NCAPD3: variants seen among roughly 807,000 people sequenced by gnomAD.
NCAPD3 encodes non-SMC condensin II complex subunit D3.
A neutral mutation model predicts 182.9 loss-of-function variants in NCAPD3; 105 were observed. The ratio of observed to expected loss-of-function variants is 0.57; its 90% CI spans 0.49 to 0.68. The LOEUF (loss-of-function observed/expected upper bound fraction) is 0.68. Ranked by LOEUF, NCAPD3 falls within the 30% of genes least tolerant of loss-of-function variation. NCAPD3 has a pLI of 0.00. For synonymous variants in NCAPD3, 815 were observed against 679.9 expected, an observed-to-expected ratio of 1.20 and a Z score of -3.09; for missense variants, 1,944 against 1,837.0, an observed-to-expected ratio of 1.06 and a Z score of -1.07.
At chr11:134,179,131 C>T (rs1944236047) in intron 20 of NCAPD3, among the ~76,000 whole-genome samples, 195 bp from the exon 21 acceptor site, 1 of 152,040 alleles carries the variant, frequency 6.6e-6, no homozygotes, top group Non-Finnish European at 1.5e-5. Context: ...AAAATTAGGG[C>T]AAGCATATAA....
chr11:134,210,310 T>C lies in NCAPD3; in HGVS notation c.527A>G (p.His176Arg), dbSNP rs1308043184. The change falls in exon 4 of 35, where the codon CAT becomes CGT. Residue 176 changes from histidine to arginine, a missense_variant. Transcript: ENST00000534548. Reference sequence around the variant, plus strand: ...CCTGGGTGGCTTTCCCCTTTTTCTATGCCTCCCGGGGTTAGCCTGAGAGCT... The same window carrying C: ...CCTGGGTGGCTTTCCCCTTTTTCTACGCCTCCCGGGGTTAGCCTGAGAGCT... ...PKSSQANPGRHRKRGKPPRRE... is the reference protein window; with the variant it reads ...PKSSQANPGRRRKRGKPPRRE... The C allele has an allele frequency of 2.5e-6, 4 of 1,614,016 alleles. No individual in the cohort carries two copies. The highest frequency in any genetic ancestry group is 1.6e-4 in the Middle Eastern group (1 of 6,062).
intron 32 of NCAPD3, among the ~76,000 whole-genome samples, chr11:134,156,480 A>C (rs1036618636): frequency 6.6e-6 from 1 of 152,218 alleles, no homozygotes; most frequent in Non-Finnish European, 1.5e-5. Context: ...TAGGAAAAGA[A>C]TACTCAACTC....
Position 134,158,065 on chromosome 11 carries a change from G to C in NCAPD3, c.4037C>G (p.Pro1346Arg), listed in dbSNP as rs750273467. ...GATTGCAATGGTGCTCAGGGACATG[G>C]GCCTGTGGAGAACAGCCACAGCCGC... Reference protein sequence around the residue: ...PLQRLLPKARPMSLSTIAILN... With the variant: ...PLQRLLPKARRMSLSTIAILN... Residue 1346 changes from proline (P) to arginine (R), a missense_variant and splice_region_variant, in exon 31 of 35, where the codon CCC becomes CGC. Physicochemically the swap from Pro to Arg is moderately radical, Grantham distance 103 (BLOSUM62 -2). Around this residue, in one of 3 missense-constraint regions of NCAPD3, gnomAD observed 1,803 missense variants for 1,674.6 expected, o/e 1.08. Coordinates refer to ENST00000534548, the MANE Select transcript of NCAPD3 (RefSeq NM_015261.3). 6.2e-7 allele frequency: 1 copy of C among 1,613,338 alleles called. No individual in the cohort carries two copies. Among genetic ancestry groups the C allele is most frequent in the South Asian group, 1.1e-5 (1 of 91,008 alleles).
intron 29 of NCAPD3, among the ~76,000 whole-genome samples, chr11:134,159,029 C>T (rs1943507396): frequency 6.6e-6 from 1 of 152,236 alleles, no homozygotes. Context: ...GAAAAGTACT[C>T]CACTGTATAT....
intron 32 of NCAPD3, among the ~76,000 whole-genome samples, chr11:134,155,842 T>C (rs1212334616): frequency 6.7e-6 from 1 of 149,408 alleles, no homozygotes; most frequent in Non-Finnish European, 1.5e-5. Flanking sequence ...AATGCCGTCA[T>C]GATTCGGTTG....
chr11:134,165,371 G>A (rs988953795), intron 27 of NCAPD3, among the ~76,000 whole-genome samples: 3 of 150,446 alleles, frequency 2.0e-5, no homozygotes, highest in Non-Finnish European at 3.0e-5. Context: ...GGGCGCACTC[G>A]TGAGATAAGC....
Position 134,203,028 on chromosome 11 carries a change from GA to G in NCAPD3, c.1525+113del, listed in dbSNP as rs1285151914. On this transcript the variant is annotated intron_variant, in intron 12 of 34. Transcript: ENST00000534548. ...TGAAATGAATTTCAACCTCTCTCAT[GA>G]AAAAAGTACAATGTTAAAGCAGGTA... The G allele has an allele frequency of 7.7e-5, 90 of 1,171,370 alleles. No individual in the cohort carries two copies. In the Middle Eastern group the frequency reaches 8.6e-4, roughly 11 times the overall value. The allele number at this position is 1,171,370 out of a possible 1,614,324, so 72.6% of individuals were successfully genotyped here.
At chr11:134,155,894 G>T (rs567757884) in intron 32 of NCAPD3, among the ~76,000 whole-genome samples, 1 of 152,264 alleles carries the variant, frequency 6.6e-6, no homozygotes, top group Admixed American at 6.5e-5. Context: ...TTCAAAGGGG[G>T]ACCTGGATGA....
rs186277031 is a variant in NCAPD3 at position 134,195,409 on chromosome 11, T to C, written c.1616-671A>G. On this transcript the variant is annotated intron_variant, in intron 13 of 34. Coordinates refer to ENST00000534548, the MANE Select transcript of NCAPD3 (RefSeq NM_015261.3). ...CTACCACGCCCAGCCTTGAGGCTTC[T>C]TTATATTCTTAAAAATTACTGAGGA... Among the ~76,000 whole-genome samples the C allele has an allele frequency of 1.4e-4, 22 of 152,322 alleles. No homozygotes were observed. The East Asian group carries it at 3.3e-3, about 23-fold the overall frequency.
At chr11:134,166,679 GGGGA>G (rs942872254) in intron 27 of NCAPD3, among the ~76,000 whole-genome samples, 3 of 120,390 alleles carry the variant, frequency 2.5e-5, no homozygotes, top group Non-Finnish European at 5.2e-5. Flanking sequence ...GATGAGCTTG[GGGGA>G]GGGGCACACT....
chr11:134,172,181 C>T (rs373867401), intron 24 of NCAPD3, among the ~76,000 whole-genome samples: 12 of 152,296 alleles, frequency 7.9e-5, no homozygotes, highest in Admixed American at 1.3e-4. Context: ...CTGCCTCTTG[C>T]GCTCTCTGCT....
intron 32 of NCAPD3, among the ~76,000 whole-genome samples, chr11:134,155,185 A>C (rs1943386680): frequency 6.6e-6 from 1 of 152,180 alleles, no homozygotes; most frequent in Non-Finnish European, 1.5e-5. Flanking sequence ...CTGAAAATTG[A>C]CTAATTTTCA....
Position 134,220,610 on chromosome 11 carries a change from G to T in NCAPD3, c.181C>A (p.Leu61Ile). The T allele has an allele frequency of 6.2e-7, 1 of 1,613,968 alleles. No individual in the cohort carries two copies. The highest frequency in any genetic ancestry group is 1.3e-5 in the African/African-American group (1 of 75,042). Residue 61 changes from leucine (L) to isoleucine (I), a missense_variant, in exon 2 of 35, where the codon CTT becomes ATT. Coordinates refer to ENST00000534548, the MANE Select transcript of NCAPD3 (RefSeq NM_015261.3). ...LAAFTKLYES[L>I]LPFATGEHGS... is the part of the protein sequence containing the mutation. ...TGTTCTCCAGTAGCAAAGGGTAAAA[G>T]GCTTTCATAGAGTTTTGTGAATGCA...
upstream of NCAPD3, chr11:134,224,192 T>A (rs1938362181): frequency 3.5e-6 from 2 of 574,174 alleles, no homozygotes; most frequent in East Asian, 3.0e-5. Flanking sequence ...GGGCCTGAGT[T>A]AAACCCTAAC....
chr11:134,190,054 C>A (rs1944492055), intron 16 of NCAPD3, among the ~76,000 whole-genome samples: 1 of 152,198 alleles, frequency 6.6e-6, no homozygotes, highest in Non-Finnish European at 1.5e-5. Flanking sequence ...TTAATTCACC[C>A]TTTTATTTTA....
At position 134,164,532 on chromosome 11, in the gene NCAPD3, G is replaced by C. The variant is rs181161686; in HGVS notation, c.3574-2641C>G. Among the ~76,000 whole-genome samples, 29 of 152,376 alleles carry C rather than the reference G, an allele frequency of 1.9e-4. 1 individual carries two copies. The East Asian group carries it at 2.3e-3, about 12-fold the overall frequency. ...GAACACGGAAGCCAGTAGATGGTGA[G>C]AAGAGTGGGACACTCACTTGTGAAA... On this transcript the variant is annotated intron_variant, in intron 27 of 34. Coordinates refer to ENST00000534548, the MANE Select transcript of NCAPD3 (RefSeq NM_015261.3).
In NCAPD3 at chr11:134,153,493, G is replaced by C. The variant is rs1943323479; in HGVS notation, c.4253-130C>G. Reference sequence around the variant, plus strand: ...AGCGGCGGCCCTCAGACCTCCACTGGACCCTGTCCCAGGGCCTGGCAGTGT... The same window carrying C: ...AGCGGCGGCCCTCAGACCTCCACTGCACCCTGTCCCAGGGCCTGGCAGTGT... On this transcript the variant is annotated intron_variant, in intron 32 of 34. Coordinates refer to ENST00000534548, the MANE Select transcript of NCAPD3 (RefSeq NM_015261.3). The C allele has an allele frequency of 1.1e-5, 10 of 894,112 alleles. No individual in the cohort carries two copies. In the East Asian group the frequency reaches 2.4e-4, roughly 22 times the overall value. The allele number at this position is 894,112 out of a possible 1,614,324, so 55.4% of individuals were successfully genotyped here.
intron 7 of NCAPD3, among the ~76,000 whole-genome samples, chr11:134,207,991 C>A (rs1057384026): frequency 3.3e-5 from 5 of 152,142 alleles, no homozygotes; most frequent in Non-Finnish European, 7.4e-5. Context: ...TTCATTTAAT[C>A]CTGTGACAAA....
Position 134,150,920 on chromosome 11 carries a change from A to G in NCAPD3, c.*2024T>C, listed in dbSNP as rs1438503374. On this transcript the variant is annotated 3_prime_UTR_variant, in exon 35 of 35. Coordinates refer to ENST00000534548, the MANE Select transcript of NCAPD3 (RefSeq NM_015261.3). Reference sequence around the variant, plus strand: ...AAAGTGAAACGCCTGAATCAAAAGCAGTTTTCTAATTTTGACTTTAAATTT... The same window carrying G: ...AAAGTGAAACGCCTGAATCAAAAGCGGTTTTCTAATTTTGACTTTAAATTT... 6.6e-6 allele frequency: 1 copy of G among 152,198 alleles called. No homozygotes were observed. Among genetic ancestry groups the G allele is most frequent in the East Asian group, 1.9e-4 (1 of 5,196 alleles). 9.4% of individuals were successfully genotyped at this position (152,198 alleles called of 1,614,324 possible). A position where few individuals can be genotyped will look rare whatever the true frequency, so the allele number is the denominator to read the frequency against.
Sources: gnomAD v4.1 joint callset for allele counts (sites outside exome capture counted in the v4.1 genomes callset) on GRCh38, gnomAD v4.1.1 for gene constraint, gnomAD v4.1.1 regional missense constraint, MANE v1.5 for transcripts, NCBI Gene and HGNC (gene_info 2026-07-23, HGNC 2026-07-21) for gene names.